The following COL24A1 variants were observed in gnomAD, a reference collection of about 807,000 sequenced individuals.
COL24A1 encodes the protein collagen type XXIV alpha 1 chain.
Under a neutral mutation model 253.9 loss-of-function variants are expected in COL24A1, and 224 were observed. The ratio of observed to expected loss-of-function variants is 0.88; its 90% CI spans 0.79 to 0.99. The LOEUF (loss-of-function observed/expected upper bound fraction) is 0.99. Ranked by LOEUF, COL24A1 falls within the 50% of genes least tolerant of loss-of-function variation. The pLI, the probability that COL24A1 is intolerant of heterozygous loss-of-function variation, is 0.00. For missense variants in COL24A1, 2,131 were observed against 2,068.5 expected (o/e 1.03, Z -0.59); for synonymous variants, 685 against 673.7 (o/e 1.02, Z -0.26).
chr1:85,922,577 T>C (rs980015157), intron 24 of COL24A1, among the ~76,000 whole-genome samples: 5 of 152,176 alleles, frequency 3.3e-5, no homozygotes, highest in Admixed American at 6.5e-5. Flanking sequence ...CTAAGCTTCA[T>C]AGGTGAAGGA....
intron 7 of COL24A1, among the ~76,000 whole-genome samples, chr1:86,075,744 C>A (rs986283891): frequency 6.6e-6 from 1 of 152,160 alleles, no homozygotes; most frequent in Non-Finnish European, 1.5e-5. Context: ...TCAACATACA[C>A]AAATCAATCA....
intron 55 of COL24A1, among the ~76,000 whole-genome samples, chr1:85,759,745 C>G (rs1241589382): frequency 6.6e-6 from 1 of 152,144 alleles, no homozygotes; most frequent in Admixed American, 6.5e-5. Flanking sequence ...TGAGCAAAAA[C>G]CTCTCATGTC....
At chr1:86,137,688 C>A (rs1375762829) in intron 2 of COL24A1, among the ~76,000 whole-genome samples, 1 of 152,174 alleles carries the variant, frequency 6.6e-6, no homozygotes, top group African/African-American at 2.4e-5. Flanking sequence ...TTCATCCAAA[C>A]CATGGCTGCA....
At chr1:85,833,241 A>C (rs144146500) in intron 43 of COL24A1, among the ~76,000 whole-genome samples, 10,972 of 152,236 alleles carry the variant, frequency 0.072, 1,319 homozygotes, top group African/African-American at 0.25. Flanking sequence ...GCTAATATCC[A>C]GAATCTACAA....
At position 85,848,417 on chromosome 1, in the gene COL24A1, C is replaced by T. The variant is rs771842904; in HGVS notation, c.3355-645G>A. 5.7e-4 allele frequency among the ~76,000 whole-genome samples: 86 copies of T among 152,160 alleles called. 1 individual carries two copies. The highest frequency in any genetic ancestry group is 1.1e-3 in the Non-Finnish European group (77 of 68,016). On this transcript the variant is annotated intron_variant, in intron 38 of 59. Transcript: ENST00000370571. ...CTCTGCCTCCTGGATTCAAGCGATT[C>T]TCCTGCCTCAGCCTCCCAAGTAGCT...
chr1:86,151,618 A>G (rs1202096614), intron 1 of COL24A1, among the ~76,000 whole-genome samples: 1 of 152,194 alleles, frequency 6.6e-6, no homozygotes, highest in Non-Finnish European at 1.5e-5. Flanking sequence ...TCCAAAGACC[A>G]TACTCAGAAC....
chr1:85,926,212 T>C, intron 24 of COL24A1, among the ~76,000 whole-genome samples: 1 of 152,316 alleles, frequency 6.6e-6, no homozygotes, highest in East Asian at 1.9e-4. Flanking sequence ...TAGGAACGCT[T>C]TTACACTGCT....
At chr1:85,736,463 G>C (rs749766831) in intron 58 of COL24A1, 2 of 456,274 alleles carry the variant, frequency 4.4e-6, no homozygotes, top group South Asian at 3.1e-5. Flanking sequence ...TATTTTGGAA[G>C]TAGGACTATC....
intron 59 of COL24A1, 142 bp downstream of exon 59, chr1:85,734,607 T>C: frequency 1.5e-6 from 1 of 685,628 alleles, no homozygotes; most frequent in Non-Finnish European, 2.5e-6. Flanking sequence ...AAAATGCAGT[T>C]ACAAGTCAGG....
chr1:85,918,819 T>A (rs993007344), intron 24 of COL24A1, among the ~76,000 whole-genome samples: 1 of 152,182 alleles, frequency 6.6e-6, no homozygotes, highest in African/African-American at 2.4e-5. Flanking sequence ...ATTTTTAAAA[T>A]GTGAAAATGT....
At chr1:86,103,849 G>A (rs1252162115) in intron 5 of COL24A1, among the ~76,000 whole-genome samples, 4 of 152,066 alleles carry the variant, frequency 2.6e-5, no homozygotes, top group African/African-American at 4.8e-5. Context: ...AGAATCTGAC[G>A]ATTATGTGTC....
rs1703876900 is a variant in COL24A1 at position 86,096,166 on chromosome 1, G to A, written c.1600-3846C>T. 2.6e-5 allele frequency among the ~76,000 whole-genome samples: 4 copies of A among 152,098 alleles called. No homozygotes were observed. In the South Asian group the frequency reaches 8.3e-4, roughly 32 times the overall value. The stretch of plus-strand genomic sequence containing the variant: ...TTAGTAGTCAGTACTAAAATTAACA[G>A]GACTAAAAACAATTATTATTAAAAT... On this transcript the variant is annotated intron_variant, in intron 5 of 59. Transcript: ENST00000370571.
rs1669124760 is a variant in COL24A1, at chr1:85,781,348, C to T, written c.4285-75G>A. 5 of 1,028,230 alleles carry T rather than the reference C, an allele frequency of 4.9e-6. No individual in the cohort carries two copies. The East Asian group carries it at 7.3e-5, about 15-fold the overall frequency. The allele number at this position is 1,028,230 out of a possible 1,614,324, so 63.7% of individuals were successfully genotyped here. A position where few individuals can be genotyped will look rare whatever the true frequency, so the allele number is the denominator to read the frequency against. On this transcript the variant is annotated intron_variant, in intron 51 of 59. Transcript: ENST00000370571. The stretch of plus-strand genomic sequence containing the variant: ...AAAAAACTCCACAGAATCTCTTGTA[C>T]AATGGTAAAAGAGCCATGTCTACAT...
At chr1:86,046,456 C>A (rs1699910828) in intron 12 of COL24A1, among the ~76,000 whole-genome samples, 7 of 152,052 alleles carry the variant, frequency 4.6e-5, no homozygotes. Context: ...ATTTTAAAAA[C>A]CTCCAGAACA....
intron 23 of COL24A1, 104 bp from the exon 24 acceptor site, chr1:85,961,397 T>C (rs1691048288): frequency 3.4e-6 from 3 of 887,940 alleles, no homozygotes; most frequent in Non-Finnish European, 5.3e-6. Context: ...AGTCATAACC[T>C]AGAAAAAGGC....
chr1:85,790,083 G>A (rs529936020), intron 47 of COL24A1, among the ~76,000 whole-genome samples: 4 of 152,254 alleles, frequency 2.6e-5, no homozygotes, highest in African/African-American at 9.6e-5. Flanking sequence ...TTAGGGAGGA[G>A]TCTCTTCTTT....
intron 24 of COL24A1, among the ~76,000 whole-genome samples, chr1:85,918,990 T>C (rs1686184223): frequency 6.6e-6 from 1 of 152,180 alleles, no homozygotes; most frequent in Non-Finnish European, 1.5e-5. Flanking sequence ...ATCTTATTAA[T>C]GTCATTCTTC....
intron 18 of COL24A1, 68 bp from the exon 19 acceptor site, chr1:86,017,272 G>C: frequency 7.6e-7 from 1 of 1,315,776 alleles, no homozygotes; most frequent in South Asian, 1.4e-5. Flanking sequence ...GAAGAAACAG[G>C]CATATGGTAA....
intron 43 of COL24A1, among the ~76,000 whole-genome samples, chr1:85,833,320 C>G (rs987159336): frequency 2.6e-5 from 4 of 152,186 alleles, no homozygotes; most frequent in African/African-American, 9.7e-5. Flanking sequence ...TGAACAGACA[C>G]TTCTCAAAAG....
Sources: gnomAD v4.1 joint callset for allele counts (sites outside exome capture counted in the v4.1 genomes callset) on GRCh38, gnomAD v4.1.1 for gene constraint, MANE v1.5 for transcripts, NCBI Gene and HGNC (gene_info 2026-07-23, HGNC 2026-07-21) for gene names.